The following TENM3 variants were observed in gnomAD, a reference collection of about 807,000 sequenced individuals.
The protein encoded by TENM3 is teneurin transmembrane protein 3, also known as teneurin-3.
In TENM3, 63 loss-of-function variants were observed where a neutral mutation model predicts 255.1. The ratio of observed to expected loss-of-function variants is 0.25; its 90% CI spans 0.20 to 0.30. The LOEUF is 0.30. Ranked by LOEUF, TENM3 falls within the 10% of genes least tolerant of loss-of-function variation. The pLI, the probability that TENM3 is intolerant of heterozygous loss-of-function variation, is 1.00. For synonymous variants in TENM3, 1,306 were observed against 1,322.3 expected (o/e 0.99, Z 0.27); for missense variants, 2,929 against 3,461.1 (o/e 0.85, Z 3.86).
intron 1 of TENM3, among the ~76,000 whole-genome samples, chr4:182,232,676 C>A (rs566414605): frequency 1.3e-5 from 2 of 152,018 alleles, no homozygotes; most frequent in Non-Finnish European, 2.9e-5. Context: ...AGCCTGGCAA[C>A]AGAGTGAGAG....
the TENM3 span, among the ~76,000 whole-genome samples, chr4:181,544,814 CAAATT>C: frequency 1.3e-4 from 20 of 152,120 alleles, no homozygotes; most frequent in African/African-American, 1.9e-4. Flanking sequence ...TTCTAAGACA[CAAATT>C]AAAATAAGGA....
At chr4:182,497,574 T>G (rs2151627163) in intron 3 of TENM3, among the ~76,000 whole-genome samples, 1 of 152,260 alleles carries the variant, frequency 6.6e-6, no homozygotes, top group African/African-American at 2.4e-5. Context: ...AACTGGCAGT[T>G]TTCCTCATCA....
chr4:182,306,880 G>T (rs1762166378), intron 1 of TENM3, among the ~76,000 whole-genome samples: 1 of 152,124 alleles, frequency 6.6e-6, no homozygotes, highest in Non-Finnish European at 1.5e-5. Context: ...ATTGAATGCT[G>T]CAATTTCCCA....
the TENM3 span, among the ~76,000 whole-genome samples, chr4:181,791,192 C>T: frequency 1.6e-4 from 24 of 152,198 alleles, no homozygotes; most frequent in African/African-American, 4.6e-4. Flanking sequence ...GATAGTGGTC[C>T]GGAGAAACAC....
At chr4:182,318,845 CTGTCCT>C (rs1173000826) in intron 1 of TENM3, among the ~76,000 whole-genome samples, 2 of 152,160 alleles carry the variant, frequency 1.3e-5, no homozygotes, top group Non-Finnish European at 2.9e-5. Flanking sequence ...ATGGCTCGCT[CTGTCCT>C]TGAAGTCCTG....
chr4:181,753,682 G>T, the TENM3 span, among the ~76,000 whole-genome samples: 206 of 152,306 alleles, frequency 1.4e-3, no homozygotes, highest in African/African-American at 4.8e-3. Context: ...AGACCCTGTT[G>T]AAAAGACACT....
the TENM3 span, among the ~76,000 whole-genome samples, chr4:181,519,514 A>C: frequency 6.6e-6 from 1 of 152,232 alleles, no homozygotes; most frequent in Non-Finnish European, 1.5e-5. Context: ...ATATCAAAAC[A>C]AAACACATAA....
chr4:181,932,860 TC>T, the TENM3 span, among the ~76,000 whole-genome samples: 1 of 152,150 alleles, frequency 6.6e-6, no homozygotes, highest in East Asian at 1.9e-4. Flanking sequence ...TCATGTCCTT[TC>T]CAGGGACATG....
chr4:182,034,127 T>C, the TENM3 span, among the ~76,000 whole-genome samples: 1 of 152,086 alleles, frequency 6.6e-6, no homozygotes, highest in Non-Finnish European at 1.5e-5. Flanking sequence ...CAAGGGAACT[T>C]CCATTTATAA....
chr4:181,532,782 GTT>G, the TENM3 span, among the ~76,000 whole-genome samples: 2 of 152,082 alleles, frequency 1.3e-5, no homozygotes, highest in Non-Finnish European at 2.9e-5. Context: ...TGGCTATATA[GTT>G]TTTTGAGTAC....
the TENM3 span, among the ~76,000 whole-genome samples, chr4:182,114,327 AT>A: frequency 3.7e-5 from 3 of 81,806 alleles, no homozygotes; most frequent in Non-Finnish European, 8.5e-5. Context: ...TAGTCTGAGA[AT>A]TTTTGACAAC....
chr4:182,785,997 A>T (rs1193834703), intron 24 of TENM3, among the ~76,000 whole-genome samples: 1 of 152,192 alleles, frequency 6.6e-6, no homozygotes, highest in Non-Finnish European at 1.5e-5. Context: ...AAACAGTAAG[A>T]ATGGTTAAAG....
chr4:182,391,711 A>T (rs1297641885), intron 3 of TENM3, among the ~76,000 whole-genome samples: 4 of 152,260 alleles, frequency 2.6e-5, no homozygotes, highest in African/African-American at 9.6e-5. Flanking sequence ...GAGATGGCAG[A>T]GATAATAGAT....
intron 1 of TENM3, among the ~76,000 whole-genome samples, chr4:182,192,127 C>T (rs755518678): frequency 6.6e-5 from 10 of 152,040 alleles, no homozygotes; most frequent in Non-Finnish European, 1.0e-4. Flanking sequence ...AATTGGCATC[C>T]ACAAAGAGTC....
At chr4:181,903,814 A>T in the TENM3 span, among the ~76,000 whole-genome samples, 1 of 151,976 alleles carries the variant, frequency 6.6e-6, no homozygotes, top group Admixed American at 6.6e-5. Context: ...TTCTCATCTG[A>T]CTGATGCATC....
the TENM3 span, among the ~76,000 whole-genome samples, chr4:181,756,376 C>T: frequency 1.3e-5 from 2 of 152,132 alleles, no homozygotes; most frequent in Admixed American, 1.3e-4. Context: ...ATAAATAAAT[C>T]AATTTCTTTG....
intron 2 of TENM3, among the ~76,000 whole-genome samples, chr4:182,330,149 G>A (rs1054770668): frequency 6.6e-6 from 1 of 152,134 alleles, no homozygotes. Flanking sequence ...TGCGTCACTA[G>A]TTCATGACTA....
intron 3 of TENM3, among the ~76,000 whole-genome samples, chr4:182,422,277 A>T (rs115176807): frequency 1.3e-5 from 2 of 152,242 alleles, no homozygotes; most frequent in African/African-American, 4.8e-5. Context: ...AGTGGGCTGT[A>T]GTGCTTTGAA....
At chr4:182,114,035 AC>A in the TENM3 span, among the ~76,000 whole-genome samples, 1 of 152,136 alleles carries the variant, frequency 6.6e-6, no homozygotes, top group South Asian at 2.1e-4. Flanking sequence ...AAGTCAGACT[AC>A]CCTGCTTTTT....
Sources: allele counts gnomAD v4.1 joint callset (sites outside exome capture counted in the v4.1 genomes callset), GRCh38; gene constraint gnomAD v4.1.1; transcripts MANE v1.5; gene names NCBI Gene and HGNC (gene_info 2026-07-23, HGNC 2026-07-21).